The following PLEKHH2 variants were observed in gnomAD, a reference collection of about 807,000 sequenced individuals.
PLEKHH2 encodes the protein pleckstrin homology, MyTH4 and FERM domain containing H2.
A neutral mutation model predicts 187.9 loss-of-function variants in PLEKHH2; 129 were observed. That is an observed-to-expected ratio of 0.69 (90% confidence interval 0.59 to 0.79). The LOEUF is 0.79. Ranked by LOEUF, PLEKHH2 falls within the 30% of genes least tolerant of loss-of-function variation. The pLI, the probability that PLEKHH2 is intolerant of heterozygous loss-of-function variation, is 0.00. For synonymous variants in PLEKHH2, 686 were observed against 605.6 expected (o/e 1.13, Z -1.95); for missense variants, 2,076 against 1,751.2 (o/e 1.19, Z -3.31).
intron 2 of PLEKHH2, among the ~76,000 whole-genome samples, chr2:43,645,270 A>C (rs544825376): frequency 6.6e-6 from 1 of 152,296 alleles, no homozygotes; most frequent in South Asian, 2.1e-4. Flanking sequence ...AAATAATTAT[A>C]TGCTTTTCTA....
chr2:43,688,017 C>T (rs1017819203), intron 3 of PLEKHH2, among the ~76,000 whole-genome samples: 1 of 152,034 alleles, frequency 6.6e-6, no homozygotes. Context: ...CCCAGGCTGG[C>T]CTCAAACTCC....
intron 24 of PLEKHH2, among the ~76,000 whole-genome samples, chr2:43,749,759 GT>G (rs2104610410): frequency 6.6e-6 from 1 of 152,352 alleles, no homozygotes; most frequent in Non-Finnish European, 1.5e-5. Flanking sequence ...CTAATTTCTA[GT>G]GATACAGTTA....
At chr2:43,743,178 A>G (rs1034279643) in intron 22 of PLEKHH2, among the ~76,000 whole-genome samples, 1 of 152,170 alleles carries the variant, frequency 6.6e-6, no homozygotes, top group Non-Finnish European at 1.5e-5. Context: ...AATAAAAAAC[A>G]CTTCGGTTGG....
intron 18 of PLEKHH2, among the ~76,000 whole-genome samples, chr2:43,730,691 G>T (rs141765079): frequency 7.9e-5 from 12 of 152,252 alleles, no homozygotes; most frequent in African/African-American, 2.2e-4. Context: ...GAGCCACTGT[G>T]CCTGGCCTGA....
At chr2:43,718,005 A>G (rs2104536869) in intron 15 of PLEKHH2, among the ~76,000 whole-genome samples, 1 of 152,294 alleles carries the variant, frequency 6.6e-6, no homozygotes, top group African/African-American at 2.4e-5. Context: ...CTTATGGGGA[A>G]GGAGAGAATA....
chr2:43,746,488 A>C (rs1390287655), intron 24 of PLEKHH2, among the ~76,000 whole-genome samples: 3 of 152,132 alleles, frequency 2.0e-5, no homozygotes, highest in Non-Finnish European at 4.4e-5. Flanking sequence ...TCTACACTCC[A>C]GCCTGGGCAA....
intron 2 of PLEKHH2, among the ~76,000 whole-genome samples, chr2:43,667,925 T>C (rs993937400): frequency 5.9e-5 from 9 of 152,140 alleles, no homozygotes; most frequent in Admixed American, 5.2e-4. Flanking sequence ...CACTTTAAAG[T>C]GGTTAATTTT....
chr2:43,764,494 T>C, intron 29 of PLEKHH2, 129 bp downstream of exon 29: 1 of 919,850 alleles, frequency 1.1e-6, no homozygotes. Flanking sequence ...GCATTCCAGA[T>C]GGGAAAACAG....
intron 2 of PLEKHH2, among the ~76,000 whole-genome samples, chr2:43,659,331 G>A (rs147272847): frequency 7.3e-5 from 11 of 151,090 alleles, no homozygotes; most frequent in Non-Finnish European, 7.4e-5. Context: ...TCGCCTGGTC[G>A]TTCTTGTTTA....
chr2:43,761,651 T>C (rs1285383722), intron 27 of PLEKHH2, among the ~76,000 whole-genome samples: 1 of 152,124 alleles, frequency 6.6e-6, no homozygotes, highest in African/African-American at 2.4e-5. Flanking sequence ...CCTCAGATGA[T>C]CCACCCACCT....
Position 43,765,535 on chromosome 2 carries a change from A to C in PLEKHH2, c.4419A>C (p.Arg1473Ser). 6.2e-7 allele frequency: 1 copy of C among 1,613,998 alleles called. No individual in the cohort carries two copies. Among genetic ancestry groups the C allele is most frequent in the Non-Finnish European group, 8.5e-7 (1 of 1,179,994 alleles). The change falls in exon 30 of 30, where the codon AGA becomes AGC. Residue 1473 changes from arginine to serine, a missense_variant. Coordinates refer to ENST00000282406, the MANE Select transcript of PLEKHH2 (RefSeq NM_172069.4). The part of the protein sequence containing the change: ...LSAQTRGPQA[R>S]MMGSQPLLSS... ...CCCAGACCCGGGGACCCCAAGCCAG[A>C]ATGATGGGAAGCCAGCCTCTTCTGT...
chr2:43,750,306 T>C (rs1420036646), intron 24 of PLEKHH2, among the ~76,000 whole-genome samples: 4 of 152,138 alleles, frequency 2.6e-5, no homozygotes, highest in African/African-American at 9.7e-5. Context: ...ACCCCGTCTC[T>C]ACTAAAAATA....
chr2:43,746,384 G>A (rs1048806803), intron 24 of PLEKHH2, among the ~76,000 whole-genome samples: 4 of 151,764 alleles, frequency 2.6e-5, no homozygotes, highest in African/African-American at 9.7e-5. Flanking sequence ...GGTGGCATGT[G>A]CCTGTAATCT....
At chr2:43,722,892 G>A (rs1162294189) in intron 16 of PLEKHH2, among the ~76,000 whole-genome samples, 1 of 152,128 alleles carries the variant, frequency 6.6e-6, no homozygotes, top group Non-Finnish European at 1.5e-5. Flanking sequence ...ATAACAACTG[G>A]AAAAGTATTG....
rs1223924666 is a variant in PLEKHH2, at chr2:43,726,329, T to G, written c.2599T>G (p.Cys867Gly). ...TAAAGTGGAAGAGGTTGACAGATCT[T>G]GTGATTCAGATGAAGATTATGAAGC... ...EAKVEEVDRSCDSDEDYEASG... is the reference protein window; with the variant it reads ...EAKVEEVDRSGDSDEDYEASG... Residue 867 changes from cysteine (C) to glycine (G), a missense_variant, in exon 17 of 30, where the codon TGT becomes GGT. Transcript: ENST00000282406. 2.5e-6 allele frequency: 4 copies of G among 1,612,076 alleles called. No individual in the cohort carries two copies. Among genetic ancestry groups the G allele is most frequent in the African/African-American group, 2.7e-5 (2 of 74,882 alleles).
rs138839133 is a variant in PLEKHH2 at position 43,709,998 on chromosome 2, C to T, written c.1975C>T (p.Leu659Phe). Reference protein sequence around the residue: ...SPRAMKRGVSLSSVASESDYA... With the variant: ...SPRAMKRGVSFSSVASESDYA... ...TTTCTTTGTTCTCTTAGGTGTGTCT[C>T]TCTCCTCTGTGGCTTCTGAAAGTGA... Residue 659 changes from leucine to phenylalanine, a missense_variant, in exon 12 of 30, where the codon CTC (leucine) becomes TTC (phenylalanine). Leu to Phe is a conservative substitution (Grantham distance 22, BLOSUM62 0). Coordinates refer to ENST00000282406, the MANE Select transcript of PLEKHH2 (RefSeq NM_172069.4). 333 of 1,609,070 alleles carry T rather than the reference C, an allele frequency of 2.1e-4. 3 individuals are homozygous for T. Among genetic ancestry groups the T allele is most frequent in the South Asian group, 1.8e-3 (163 of 90,314 alleles).
At chr2:43,674,412 A>T (rs547211252) in intron 2 of PLEKHH2, among the ~76,000 whole-genome samples, 2 of 152,304 alleles carry the variant, frequency 1.3e-5, no homozygotes, top group African/African-American at 4.8e-5. Flanking sequence ...AGAATGTGGT[A>T]TTGGCATGTG....
At chr2:43,753,160 G>A (rs1359228993) in intron 24 of PLEKHH2, among the ~76,000 whole-genome samples, 1 of 152,032 alleles carries the variant, frequency 6.6e-6, no homozygotes, top group Non-Finnish European at 1.5e-5. Context: ...TGCAAGAGAG[G>A]GCATATTTAA....
chr2:43,710,732 AT>A, intron 14 of PLEKHH2, 157 bp downstream of exon 14: 1 of 1,412,528 alleles, frequency 7.1e-7, no homozygotes. Flanking sequence ...AACTCCACGA[AT>A]TTTTGGTTAA....
Sources: allele counts gnomAD v4.1 joint callset (sites outside exome capture counted in the v4.1 genomes callset), GRCh38; gene constraint gnomAD v4.1.1; transcripts MANE v1.5; gene names NCBI Gene and HGNC (gene_info 2026-07-23, HGNC 2026-07-21).